The following ITGA3 variants were observed in gnomAD, a reference collection of about 807,000 sequenced individuals.
The protein encoded by ITGA3 is integrin subunit alpha 3, also known as integrin alpha-3.
Under a neutral mutation model 131.1 loss-of-function variants are expected in ITGA3, and 70 were observed. The observed-to-expected ratio is 0.53, with a 90% CI of 0.44 to 0.65. ITGA3 has a LOEUF of 0.65. Ranked by LOEUF, ITGA3 falls within the 30% of genes least tolerant of loss-of-function variation. ITGA3 has a pLI of 0.00. For synonymous variants in ITGA3, 537 were observed against 571.6 expected, an observed-to-expected ratio of 0.94 and a Z score of 0.86; for missense variants, 1,098 against 1,388.6, an observed-to-expected ratio of 0.79 and a Z score of 3.33.
chr17:50,076,547 GGGT>G (rs201817764), intron 13 of ITGA3, 34 bp from the exon 14 acceptor site: 2 of 1,605,316 alleles, frequency 1.2e-6, no homozygotes, highest in East Asian at 2.2e-5. Flanking sequence ...GCACTGGGGG[GGGT>G]GGTGCGGCCT....
chr17:50,089,146 A>T lies in ITGA3; in HGVS notation c.*68A>T, dbSNP rs1169565592. ...TAAGCGGACCCGCTATTATCAGATCATGCCCAAGTACCACGCAGTGCGGAT... is the reference window on the plus strand; with the variant it reads ...TAAGCGGACCCGCTATTATCAGATCTTGCCCAAGTACCACGCAGTGCGGAT... On this transcript the variant is annotated 3_prime_UTR_variant, in exon 26 of 26. Transcript: ENST00000320031. 1.9e-6 allele frequency: 3 copies of T among 1,613,290 alleles called. No homozygotes were observed. The Admixed American group carries it at 5.0e-5, about 27-fold the overall frequency.
rs777892581 is a variant in ITGA3, at chr17:50,071,990, C to G, written c.964C>G (p.Gln322Glu). Residue 322 changes from glutamine (Q) to glutamate (E), a missense_variant, in exon 7 of 26, where the codon CAG becomes GAG. Coordinates refer to ENST00000320031, the MANE Select transcript of ITGA3 (RefSeq NM_002204.4). ...ALADLNNDGW[Q>E]DLLVGAPYYF... is the part of the protein sequence containing the mutation. ...TTTCCCTCCTCTCCTGTGTAGGTGG[C>G]AGGACCTCCTGGTGGGCGCCCCCTA... 1.2e-6 allele frequency: 2 copies of G among 1,612,716 alleles called. No homozygotes were observed. Among genetic ancestry groups the G allele is most frequent in the Admixed American group, 1.7e-5 (1 of 59,946 alleles).
Position 50,069,369 on chromosome 17 carries a change from TATA to T in ITGA3, c.664+1071_664+1073del, listed in dbSNP as rs1256105299. Reference sequence around the variant, plus strand: ...CTACATAGTACAGTAGGCAATGTCCTATAATAATAGTTATCGCCAGGTGCAGTG... The same window carrying T: ...CTACATAGTACAGTAGGCAATGTCCTATAATAGTTATCGCCAGGTGCAGTG... On this transcript the variant is annotated intron_variant, in intron 4 of 25. Coordinates refer to ENST00000320031, the MANE Select transcript of ITGA3 (RefSeq NM_002204.4). Among the ~76,000 whole-genome samples, 3 of 152,276 alleles carry T rather than the reference TATA, an allele frequency of 2.0e-5. No individual in the cohort carries two copies. The East Asian group carries it at 5.8e-4, about 29-fold the overall frequency.
rs1176410654 is a variant in ITGA3 at position 50,070,855 on chromosome 17, A to G, written c.676A>G (p.Met226Val). 24 of 1,611,078 alleles carry G rather than the reference A, an allele frequency of 1.5e-5. No homozygotes were observed. The highest frequency in any genetic ancestry group is 4.5e-5 in the East Asian group (2 of 44,868). The change falls in exon 5 of 26, where the codon ATG (methionine) becomes GTG (valine). Residue 226 changes from methionine (M) to valine (V), a missense_variant. Transcript: ENST00000320031. ...CAATCCCTGTGAAGGAAACAGCTAC[A>G]TGATTCAGCGCAAGGAGTGGGACTT... ...GAYNWKGNSY[M>V]IQRKEWDLSE...
intron 22 of ITGA3, 85 bp downstream of exon 22, chr17:50,080,460 A>ATGGGGG (rs1468166447): frequency 6.2e-6 from 3 of 486,124 alleles, no homozygotes; most frequent in Admixed American, 7.2e-5. Flanking sequence ...GGGTCATAGC[A>ATGGGGG]TGGGTGTGTG....
intron 23 of ITGA3, 88 bp from the exon 24 acceptor site, chr17:50,087,656 C>A: frequency 1.4e-6 from 2 of 1,442,588 alleles, no homozygotes; most frequent in Non-Finnish European, 9.5e-7. Context: ...GGACAAACAG[C>A]AGGTGCCTGG....
chr17:50,075,055 AC>A (rs886704054), intron 10 of ITGA3, among the ~76,000 whole-genome samples: 13 of 152,190 alleles, frequency 8.5e-5, no homozygotes, highest in African/African-American at 2.7e-4. Context: ...GATGGCGATG[AC>A]CCCAAGGTCT....
chr17:50,068,872 G>C (rs1223025656), intron 4 of ITGA3, among the ~76,000 whole-genome samples: 2 of 147,142 alleles, frequency 1.4e-5, no homozygotes, highest in Admixed American at 6.9e-5. Context: ...TTTTGAGACA[G>C]AGTCTCACTC....
At chr17:50,077,860 T>C in intron 16 of ITGA3, 186 bp from the exon 17 acceptor site, 1 of 587,856 alleles carries the variant, frequency 1.7e-6, no homozygotes, top group South Asian at 2.1e-5. Flanking sequence ...AGATGTGACC[T>C]GATGGAGAGA....
intron 19 of ITGA3, 57 bp from the exon 20 acceptor site, chr17:50,079,019 G>A: frequency 6.4e-7 from 1 of 1,559,186 alleles, no homozygotes; most frequent in Non-Finnish European, 8.8e-7. Context: ...TTGGGGGTTG[G>A]TAAGATGGAG....
intron 23 of ITGA3, among the ~76,000 whole-genome samples, chr17:50,083,318 G>C (rs181271046): frequency 6.6e-6 from 1 of 152,284 alleles, no homozygotes; most frequent in Non-Finnish European, 1.5e-5. Flanking sequence ...CACTTTAATA[G>C]TAACCTTTAA....
chr17:50,059,701 G>A (rs1240071666), intron 1 of ITGA3, among the ~76,000 whole-genome samples: 2 of 152,198 alleles, frequency 1.3e-5, no homozygotes, highest in African/African-American at 4.8e-5. Flanking sequence ...AAGCAGCAGC[G>A]AAGGGGGCTT....
At chr17:50,087,163 T>C (rs1400855088) in intron 23 of ITGA3, 1 of 152,186 alleles carries the variant, frequency 6.6e-6, no homozygotes, top group Non-Finnish European at 1.5e-5. Context: ...GTAGCAGGTG[T>C]TGCTCTAAGC....
chr17:50,070,674 AAAG>A (rs1260683973), intron 4 of ITGA3, among the ~76,000 whole-genome samples, 167 bp from the exon 5 acceptor site: 1 of 146,690 alleles, frequency 6.8e-6, no homozygotes, highest in African/African-American at 2.5e-5. Context: ...AAAAAGGAAA[AAAG>A]AATTGTTAAA....
At position 50,064,340 on chromosome 17, in the gene ITGA3, G is replaced by A; in HGVS notation, c.334+136G>A. Reference sequence around the variant, plus strand: ...CTTCTTGTCCAGCTGGGAAGAGGGTGCCCTAGAGGAGAGTGGGGCTGGATG... The same window carrying A: ...CTTCTTGTCCAGCTGGGAAGAGGGTACCCTAGAGGAGAGTGGGGCTGGATG... On this transcript the variant is annotated intron_variant, in intron 2 of 25. Transcript: ENST00000320031. This position sits in a 1 kb window ranked among gnomAD's most constrained non-coding sequence, Gnocchi z 4.4. 6.4e-6 allele frequency: 8 copies of A among 1,258,064 alleles called. No individual in the cohort carries two copies. The highest frequency in any genetic ancestry group is 1.4e-5 in the South Asian group (1 of 70,806). 77.9% of individuals were successfully genotyped at this position (1,258,064 alleles called of 1,614,324 possible).
chr17:50,068,098 G>GC lies in ITGA3; in HGVS notation c.457_458insC (p.Glu153AlafsTer16). ...CACCCAGGTGCTGTGGTCAGGGTCA[G>GC]AAGACCAGCGGCGCATGGTGGGCAA... On this transcript the variant is annotated frameshift_variant, in exon 4 of 26. Coordinates refer to ENST00000320031, the MANE Select transcript of ITGA3 (RefSeq NM_002204.4). LOFTEE classifies it high-confidence loss of function. 6.2e-7 allele frequency: 1 copy of GC among 1,614,166 alleles called. No homozygotes were observed. Among genetic ancestry groups the GC allele is most frequent in the Non-Finnish European group, 8.5e-7 (1 of 1,180,050 alleles).
Position 50,079,466 on chromosome 17 carries a change from G to T in ITGA3, c.2615G>T (p.Arg872Leu). ...DPGDRPSSPQRRRRQLDPGGG... is the reference protein window; with the variant it reads ...DPGDRPSSPQLRRRQLDPGGG... ...GGGGACAGGCCATCATCCCCACAGC[G>T]CAGGCGGCGACAGCTGGATCCAGGG... Residue 872 changes from arginine (R) to leucine (L), a missense_variant, in exon 21 of 26, where the codon CGC (arginine) becomes CTC (leucine). Coordinates refer to ENST00000320031, the MANE Select transcript of ITGA3 (RefSeq NM_002204.4). 6.3e-7 allele frequency: 1 copy of T among 1,577,822 alleles called. No homozygotes were observed. Among genetic ancestry groups the T allele is most frequent in the Non-Finnish European group, 8.6e-7 (1 of 1,163,268 alleles).
intron 23 of ITGA3, among the ~76,000 whole-genome samples, chr17:50,084,656 A>G (rs187390043): frequency 2.6e-4 from 39 of 152,316 alleles, no homozygotes; most frequent in Admixed American, 2.0e-3. Context: ...ATGGTGGCTT[A>G]TGCCTATAAT....
At chr17:50,074,615 GCCT>G in intron 10 of ITGA3, 81 bp downstream of exon 10, 2 of 935,702 alleles carry the variant, frequency 2.1e-6, no homozygotes, top group South Asian at 2.8e-5. Flanking sequence ...CCCTCCCCTG[GCCT>G]CCTGACATCC....
Sources: allele counts gnomAD v4.1 joint callset (sites outside exome capture counted in the v4.1 genomes callset), GRCh38; gene constraint gnomAD v4.1.1; non-coding constraint Gnocchi (gnomAD v3.1); transcripts MANE v1.5; gene names NCBI Gene and HGNC (gene_info 2026-07-23, HGNC 2026-07-21).